PCAT7: variants seen among roughly 807,000 people sequenced by gnomAD.
PCAT7 encodes prostate cancer associated transcript 7 (non-protein coding).
chr9:94,565,571 A>C (rs773970508), intron 2 of PCAT7, among the ~76,000 whole-genome samples: 4 of 152,200 alleles, frequency 2.6e-5, no homozygotes, highest in Non-Finnish European at 5.9e-5. Context: ...GCAGACACAC[A>C]GTGAACTATC....
At chr9:94,569,762 G>A (rs1339823543) in intron 2 of PCAT7, 1 of 152,194 alleles carries the variant, frequency 6.6e-6, no homozygotes, top group African/African-American at 2.4e-5. Flanking sequence ...ACCCACAATG[G>A]AGAGTTGGTT....
rs1207236700 is a variant in PCAT7 at position 94,564,927 on chromosome 9, AAGG to A, written n.441+5780_441+5782del. 6.6e-5 allele frequency among the ~76,000 whole-genome samples: 10 copies of A among 152,298 alleles called. No homozygotes were observed. In the East Asian group the frequency reaches 1.4e-3, roughly 21 times the overall value. ...ATATGACATATTTTCAAAAAGCTAGAAGGAGGATATTGAATGTTCCCAACACAA... is the reference window on the plus strand; with the variant it reads ...ATATGACATATTTTCAAAAAGCTAGAAGGATATTGAATGTTCCCAACACAA... On this transcript the variant is annotated intron_variant and non_coding_transcript_variant, in intron 2 of 8. Coordinates refer to ENST00000647389, the Ensembl canonical transcript of PCAT7.
intron 2 of PCAT7, chr9:94,567,627 C>A: frequency 2.0e-6 from 1 of 507,246 alleles, no homozygotes; most frequent in Non-Finnish European, 3.5e-6. Flanking sequence ...ACACAGCAAG[C>A]AGGAAGACAA....
In PCAT7 at chr9:94,558,715, C is replaced by T. The variant is rs1456177505; in HGVS notation, n.258-254C>T. On this transcript the variant is annotated intron_variant and non_coding_transcript_variant, in intron 1 of 8. Transcript: ENST00000647389. Reference sequence around the variant, plus strand: ...TTTCTGACAGAAGACAAGCCAAAGTCGCACTTTCCACATGTGGGTTTTTAT... The same window carrying T: ...TTTCTGACAGAAGACAAGCCAAAGTTGCACTTTCCACATGTGGGTTTTTAT... 2.8e-5 allele frequency: 14 copies of T among 508,918 alleles called. No individual in the cohort carries two copies. In the East Asian group the frequency reaches 3.7e-4, roughly 13 times the overall value. 31.5% of individuals were successfully genotyped at this position (508,918 alleles called of 1,614,324 possible). A position where few individuals can be genotyped will look rare whatever the true frequency, so the allele number is the denominator to read the frequency against.
intron 2 of PCAT7, among the ~76,000 whole-genome samples, chr9:94,562,077 C>T (rs1286897908): frequency 6.6e-6 from 1 of 152,064 alleles, no homozygotes. Context: ...TTTGGGAGGC[C>T]AAGGCGGGCG....
chr9:94,558,777 G>T (rs1223062228), intron 1 of PCAT7: 7 of 656,966 alleles, frequency 1.1e-5, no homozygotes, highest in Admixed American at 8.7e-5. Flanking sequence ...ATCGCCTGTG[G>T]CTTCCAAACC....
intron 2 of PCAT7, among the ~76,000 whole-genome samples, chr9:94,564,459 C>T (rs77855592): frequency 0.088 from 13,436 of 152,184 alleles, 1,159 homozygotes; most frequent in African/African-American, 0.21. Context: ...TACATATACA[C>T]AATGGAATAC....
At chr9:94,562,686 A>G (rs1314207078) in intron 2 of PCAT7, among the ~76,000 whole-genome samples, 1 of 152,186 alleles carries the variant, frequency 6.6e-6, no homozygotes, top group Non-Finnish European at 1.5e-5. Flanking sequence ...GTGATTGGCT[A>G]AAATTCAGAT....
At chr9:94,573,640 GA>G (rs1157738386) in intron 3 of PCAT7, among the ~76,000 whole-genome samples, 6 of 152,294 alleles carry the variant, frequency 3.9e-5, no homozygotes, top group African/African-American at 1.4e-4. Context: ...GACTGATTAT[GA>G]ATACTGGATC....
At chr9:94,562,169 G>A (rs1827117341) in intron 2 of PCAT7, among the ~76,000 whole-genome samples, 2 of 151,984 alleles carry the variant, frequency 1.3e-5, no homozygotes, top group African/African-American at 4.8e-5. Flanking sequence ...AAATTAGCCA[G>A]GCGTGGTGGC....
In PCAT7 at chr9:94,558,889, T is replaced by G. The variant is rs775679285; in HGVS notation, n.258-80T>G. ...TCTGTTTATCGTTCATTTAGGGTCCTTAGACAAGGTGCAAGACAAACAGAA... is the reference window on the plus strand; with the variant it reads ...TCTGTTTATCGTTCATTTAGGGTCCGTAGACAAGGTGCAAGACAAACAGAA... On this transcript the variant is annotated intron_variant and non_coding_transcript_variant, in intron 1 of 8. Transcript: ENST00000647389. The G allele has an allele frequency of 3.2e-6, 5 of 1,564,510 alleles. No individual in the cohort carries two copies. The Admixed American group carries it at 5.0e-5, about 16-fold the overall frequency.
intron 2 of PCAT7, among the ~76,000 whole-genome samples, chr9:94,572,032 G>A (rs1165166945): frequency 6.6e-6 from 1 of 152,132 alleles, no homozygotes; most frequent in African/African-American, 2.4e-5. Context: ...AACTCTGAGA[G>A]CAAAACCACC....
intron 2 of PCAT7, among the ~76,000 whole-genome samples, chr9:94,561,350 G>GTTTT (rs1463916724): frequency 2.3e-3 from 137 of 59,608 alleles, no homozygotes; most frequent in Admixed American, 4.7e-3. Context: ...CATGTGACCT[G>GTTTT]TATTTTTTTT....
chr9:94,573,347 C>T (rs1827287624), intron 3 of PCAT7, among the ~76,000 whole-genome samples: 1 of 152,142 alleles, frequency 6.6e-6, no homozygotes, highest in Admixed American at 6.5e-5. Flanking sequence ...CAGCCTCCAA[C>T]TCCTGGGCTT....
intron 2 of PCAT7, chr9:94,569,757 C>T (rs538557161): frequency 1.3e-4 from 20 of 152,320 alleles, no homozygotes; most frequent in African/African-American, 4.8e-4. Context: ...GCTTTACCCA[C>T]AATGGAGAGT....
chr9:94,565,544 A>G (rs1037029558), intron 2 of PCAT7, among the ~76,000 whole-genome samples: 5 of 152,136 alleles, frequency 3.3e-5, no homozygotes, highest in African/African-American at 9.7e-5. Flanking sequence ...ACATTTAAAT[A>G]CAGAAAGAAT....
At chr9:94,571,953 T>C (rs1228657971) in intron 2 of PCAT7, among the ~76,000 whole-genome samples, 5 of 152,168 alleles carry the variant, frequency 3.3e-5, no homozygotes, top group Non-Finnish European at 7.3e-5. Context: ...GAGCGTGCAG[T>C]GTCTCACTCT....
At chr9:94,559,490 A>G (rs1827061895) in intron 2 of PCAT7, among the ~76,000 whole-genome samples, 1 of 151,578 alleles carries the variant, frequency 6.6e-6, no homozygotes, top group East Asian at 1.9e-4. Flanking sequence ...CCTTGGTGGA[A>G]GCCTTTATAT....
intron 2 of PCAT7, among the ~76,000 whole-genome samples, chr9:94,560,361 T>C (rs561080565): frequency 7.2e-5 from 11 of 152,296 alleles, no homozygotes; most frequent in African/African-American, 2.6e-4. Context: ...TGGGGTTGGA[T>C]TGAATGGACT....
Sources: allele counts gnomAD v4.1 joint callset (sites outside exome capture counted in the v4.1 genomes callset), GRCh38; gene constraint gnomAD v4.1.1; transcripts MANE v1.5; gene names NCBI Gene and HGNC (gene_info 2026-07-23, HGNC 2026-07-21).